Variants in BTRC observed in about 807,000 individuals in gnomAD.
The protein encoded by BTRC is F-box/WD repeat-containing protein 1A.
In BTRC, 42 loss-of-function variants were observed where a neutral mutation model predicts 85.5. The observed-to-expected ratio is 0.49, with a 90% confidence interval of 0.38 to 0.64. The LOEUF (loss-of-function observed/expected upper bound fraction) is 0.64. Ranked by LOEUF, BTRC falls within the 30% of genes least tolerant of loss-of-function variation. The probability of loss-of-function intolerance (pLI) is 0.00; values close to 1 mark genes in which losing one functional copy is unlikely to be tolerated. For synonymous variants in BTRC, 255 were observed against 263.3 expected (o/e 0.97, Z 0.30); for missense variants, 594 against 743.5 (o/e 0.80, Z 2.34).
intron 6 of BTRC, among the ~76,000 whole-genome samples, chr10:101,528,642 TG>T (rs1216732627): frequency 6.6e-6 from 1 of 152,204 alleles, no homozygotes; most frequent in African/African-American, 2.4e-5. Flanking sequence ...TCGACTTTCT[TG>T]TTGCTGCTTC....
intron 6 of BTRC, among the ~76,000 whole-genome samples, chr10:101,526,935 A>T (rs1318465477): frequency 6.6e-6 from 1 of 152,212 alleles, no homozygotes; most frequent in African/African-American, 2.4e-5. Context: ...AGTCTAAGAG[A>T]CTTCACTAAT....
chr10:101,462,375 T>G (rs1394982561), intron 3 of BTRC, among the ~76,000 whole-genome samples: 5 of 152,136 alleles, frequency 3.3e-5, no homozygotes, highest in Admixed American at 3.3e-4. Flanking sequence ...AGGCCATTGT[T>G]AATAATAACT....
chr10:101,509,304 G>A (rs1315106402), intron 4 of BTRC, among the ~76,000 whole-genome samples: 3 of 129,134 alleles, frequency 2.3e-5, no homozygotes, highest in Non-Finnish European at 4.7e-5. Context: ...GCCCAGGCTG[G>A]AGTGCAGTGG....
chr10:101,536,715 A>G (rs1288317475), intron 12 of BTRC, 62 bp downstream of exon 12: 10 of 1,277,118 alleles, frequency 7.8e-6, no homozygotes, highest in African/African-American at 4.4e-5. Context: ...CCTTATGTTT[A>G]TGGTGTTAAA....
intron 1 of BTRC, among the ~76,000 whole-genome samples, chr10:101,424,264 T>G (rs1440427460): frequency 1.3e-5 from 2 of 152,124 alleles, no homozygotes; most frequent in Non-Finnish European, 2.9e-5. Flanking sequence ...TTGTTTTAGT[T>G]TTACCACAAC....
intron 2 of BTRC, among the ~76,000 whole-genome samples, chr10:101,448,583 T>TAG (rs1944884876): frequency 6.6e-6 from 1 of 152,128 alleles, no homozygotes; most frequent in Non-Finnish European, 1.5e-5. Flanking sequence ...TCTGGCTACT[T>TAG]AGAGACCCAT....
At position 101,462,021 on chromosome 10, in the gene BTRC, CT is replaced by C. The variant is rs1589499501; in HGVS notation, c.198del (p.Arg67GlyfsTer3). The C allele has an allele frequency of 2.5e-6, 4 of 1,612,306 alleles. No homozygotes were observed. The highest frequency in any genetic ancestry group is 2.5e-6 in the Non-Finnish European group (3 of 1,178,864). ...EREDCNNGEPPRKIIPEKNSL... is the reference protein window; with the variant it reads ...EREDCNNGEPXRKIIPEKNSL... ...GAAGACTGTAATAATGGCGAACCCC[CT>C]AGGAAGATAATACCAGAGAAGAATT... On this transcript the variant is annotated frameshift_variant, in exon 3 of 15. Transcript: ENST00000370187. LOFTEE classifies it high-confidence loss of function.
intron 4 of BTRC, among the ~76,000 whole-genome samples, chr10:101,495,934 A>G (rs1402647416): frequency 1.3e-5 from 2 of 152,114 alleles, no homozygotes; most frequent in Non-Finnish European, 2.9e-5. Context: ...TCAAGGGTAA[A>G]CATTATCCTC....
At chr10:101,398,785 A>G (rs1029343999) in intron 1 of BTRC, among the ~76,000 whole-genome samples, 1 of 152,166 alleles carries the variant, frequency 6.6e-6, no homozygotes, top group South Asian at 2.1e-4. Context: ...TATTGACCAT[A>G]GGAACAGTGT....
intron 6 of BTRC, among the ~76,000 whole-genome samples, chr10:101,530,948 G>A (rs1023099326): frequency 2.6e-5 from 4 of 152,306 alleles, no homozygotes; most frequent in Admixed American, 1.3e-4. Context: ...CCAAGCAGGC[G>A]GGTCATTTGA....
At chr10:101,478,062 G>A (rs928819237) in intron 3 of BTRC, among the ~76,000 whole-genome samples, 11 of 152,112 alleles carry the variant, frequency 7.2e-5, no homozygotes, top group African/African-American at 2.7e-4. Context: ...CACTTTGGGA[G>A]GCCGAGGCGG....
At chr10:101,411,330 C>G (rs1943772618) in intron 1 of BTRC, among the ~76,000 whole-genome samples, 2 of 152,022 alleles carry the variant, frequency 1.3e-5, no homozygotes, top group Non-Finnish European at 2.9e-5. Context: ...ATGGGTTGGT[C>G]TATTATCATT....
chr10:101,362,709 G>A (rs571394467), intron 1 of BTRC, among the ~76,000 whole-genome samples: 1 of 152,206 alleles, frequency 6.6e-6, no homozygotes, highest in South Asian at 2.1e-4. Flanking sequence ...GAAATTTTTT[G>A]TGTTTTGTTA....
In BTRC at chr10:101,366,790, T is replaced by TATA. The variant is rs1448574403; in HGVS notation, c.48+12562_48+12563insATA. Among the ~76,000 whole-genome samples, 14 of 59,144 alleles carry TATA rather than the reference T, an allele frequency of 2.4e-4. 1 individual carries two copies. The highest frequency in any genetic ancestry group is 9.5e-4 in the Admixed American group (3 of 3,164). The allele number at this position is 59,144 out of a possible 152,430, so 38.8% of individuals were successfully genotyped here. A position where few individuals can be genotyped will look rare whatever the true frequency, so the allele number is the denominator to read the frequency against. On this transcript the variant is annotated intron_variant, in intron 1 of 14. Coordinates refer to ENST00000370187, the MANE Select transcript of BTRC (RefSeq NM_033637.4). ...GTTATATATATATATATATATATAT[T>TATA]TTTACATTTATATATATATTTATAT...
At chr10:101,467,277 T>C (rs561026262) in intron 3 of BTRC, among the ~76,000 whole-genome samples, 1 of 150,964 alleles carries the variant, frequency 6.6e-6, no homozygotes, top group Non-Finnish European at 1.5e-5. Context: ...CTTTCTGATT[T>C]GATTGATGAG....
At chr10:101,540,073 A>ATT (rs2062443269) in intron 13 of BTRC, among the ~76,000 whole-genome samples, 1 of 152,202 alleles carries the variant, frequency 6.6e-6, no homozygotes, top group Non-Finnish European at 1.5e-5. Flanking sequence ...CGTTCATAAA[A>ATT]TTTGTTTCTT....
chr10:101,548,949 A>G (rs1179660523), intron 13 of BTRC, among the ~76,000 whole-genome samples: 1 of 150,814 alleles, frequency 6.6e-6, no homozygotes. Flanking sequence ...GGTACTCAGG[A>G]GACTGAGGCA....
intron 4 of BTRC, among the ~76,000 whole-genome samples, chr10:101,486,226 A>G (rs988862170): frequency 6.6e-6 from 1 of 152,024 alleles, no homozygotes; most frequent in African/African-American, 2.4e-5. Context: ...AGCATAAGCA[A>G]TTTGTTAGAC....
intron 4 of BTRC, among the ~76,000 whole-genome samples, chr10:101,509,557 T>C (rs71471207): frequency 0.36 from 52,446 of 145,082 alleles, 10,306 homozygotes; most frequent in Middle Eastern, 0.47. Context: ...CCCAGCCTTT[T>C]TTTTTTTTTT....
Sources: gnomAD v4.1 joint callset for allele counts (sites outside exome capture counted in the v4.1 genomes callset) on GRCh38, gnomAD v4.1.1 for gene constraint, MANE v1.5 for transcripts, NCBI Gene and HGNC (gene_info 2026-07-23, HGNC 2026-07-21) for gene names.